The following DHX32 variants were observed in gnomAD, a reference collection of about 807,000 sequenced individuals.
DHX32 encodes the protein putative pre-mRNA-splicing factor ATP-dependent RNA helicase DHX32.
A neutral mutation model predicts 70.0 loss-of-function variants in DHX32; 51 were observed. That is an observed-to-expected ratio of 0.73 (90% confidence interval 0.58 to 0.92). The LOEUF (loss-of-function observed/expected upper bound fraction) is 0.92. DHX32 is among the 40% of genes least tolerant of loss of function. The probability of loss-of-function intolerance (pLI) is 0.00; values close to 1 mark genes in which losing one functional copy is unlikely to be tolerated. For missense variants in DHX32, 762 were observed against 891.8 expected, an observed-to-expected ratio of 0.85 and a Z score of 1.85; for synonymous variants, 310 against 315.3, an observed-to-expected ratio of 0.98 and a Z score of 0.18.
Position 125,838,206 on chromosome 10 carries a change from A to G in DHX32, c.2063T>C (p.Leu688Pro). The stretch of plus-strand genomic sequence containing the variant: ...ACCCTTTCTTCTCCATTAAACTTAC[A>G]GTTCAGGAGAGATTTCTGAGGTAAT... ...IRITSEISPELFMQLVPQYYF... is the reference protein window; with the variant it reads ...IRITSEISPEPFMQLVPQYYF... The change falls in exon 10 of 11, where the codon CTA becomes CCA. Residue 688 changes from leucine (L) to proline (P), a missense_variant and splice_region_variant. By Grantham distance (98) the Leu-to-Pro change is moderately conservative (BLOSUM62 -3). Around this residue, in one of 3 missense-constraint regions of DHX32, gnomAD observed 366 missense variants for 402.6 expected, o/e 0.91. Coordinates refer to ENST00000284690, the MANE Select transcript of DHX32 (RefSeq NM_018180.3). The G allele has an allele frequency of 6.3e-7, 1 of 1,576,238 alleles. No homozygotes were observed. Among genetic ancestry groups the G allele is most frequent in the Non-Finnish European group, 8.6e-7 (1 of 1,167,462 alleles).
At chr10:125,862,150 C>T (rs975305942) in intron 2 of DHX32, among the ~76,000 whole-genome samples, 1 of 152,100 alleles carries the variant, frequency 6.6e-6, no homozygotes, top group Non-Finnish European at 1.5e-5. Context: ...AGATTTAAAC[C>T]CAGATAGTTG....
rs745585566 is a variant in DHX32, at chr10:125,854,004, T to G, written c.1049A>C (p.Asn350Thr). ...TSSGEFLIWS[N>T]SVRFVIDVGV... ...CACATCGATAACAAATCTGACTGAG[T>G]TGCTCCAGATCAAAAACTCTCCAGA... The change falls in exon 4 of 11, where the codon AAC becomes ACC. Residue 350 changes from asparagine (N) to threonine (T), a missense_variant. Asn to Thr is a moderately conservative substitution (Grantham distance 65). Coordinates refer to ENST00000284690, the MANE Select transcript of DHX32 (RefSeq NM_018180.3). 8.1e-6 allele frequency: 13 copies of G among 1,614,044 alleles called. No homozygotes were observed. Among genetic ancestry groups the G allele is most frequent in the African/African-American group, 1.3e-5 (1 of 75,032 alleles).
chr10:125,859,041 G>GTT lies in DHX32; in HGVS notation c.849+560_849+561dup, dbSNP rs1168999968. Among the ~76,000 whole-genome samples the GTT allele has an allele frequency of 2.1e-3, 284 of 134,058 alleles. 1 individual carries two copies. Among genetic ancestry groups the GTT allele is most frequent in the African/African-American group, 7.5e-3 (266 of 35,540 alleles). The allele number at this position is 134,058 out of a possible 152,430, so 87.9% of individuals were successfully genotyped here. ...TAAAGGTTTTTTTTTTTGTTTGTTT[G>GTT]TTTGTTTTTTTTTTTTTTTTTTAAT... On this transcript the variant is annotated intron_variant, in intron 3 of 10. Coordinates refer to ENST00000284690, the MANE Select transcript of DHX32 (RefSeq NM_018180.3).
Position 125,848,795 on chromosome 10 carries a change from ACTATACAC to A in DHX32, c.1351+3490_1351+3497del, listed in dbSNP as rs900498907. On this transcript the variant is annotated intron_variant, in intron 6 of 10. Coordinates refer to ENST00000284690, the MANE Select transcript of DHX32 (RefSeq NM_018180.3). ...AGACGATGACTGTGCTATAGCATTTACTATACACCAGTCACTTTTCTAAGGGGCATGCA... is the reference window on the plus strand; with the variant it reads ...AGACGATGACTGTGCTATAGCATTTACAGTCACTTTTCTAAGGGGCATGCA... Among the ~76,000 whole-genome samples, 35 of 152,206 alleles carry A rather than the reference ACTATACAC, an allele frequency of 2.3e-4. 1 individual carries two copies. Among genetic ancestry groups the A allele is most frequent in the Admixed American group, 6.5e-4 (10 of 15,280 alleles).
In DHX32 at chr10:125,840,892, T is replaced by C; in HGVS notation, c.1648A>G (p.Ile550Val). The C allele has an allele frequency of 6.2e-7, 1 of 1,609,604 alleles. No homozygotes were observed. The highest frequency in any genetic ancestry group is 8.5e-7 in the Non-Finnish European group (1 of 1,176,314). ...GTTGTGTCTTGGTAAGCCTTGTAAA[T>C]GCTGATGAGGGTAAAGTGATCTCCT... Reference protein sequence around the residue: ...PEGDHFTLISIYKAYQDTTLN... With the variant: ...PEGDHFTLISVYKAYQDTTLN... Residue 550 changes from isoleucine to valine, a missense_variant, in exon 8 of 11, where the codon ATT (isoleucine) becomes GTT (valine). Around this residue, in one of 3 missense-constraint regions of DHX32, gnomAD observed 366 missense variants for 402.6 expected, o/e 0.91. Coordinates refer to ENST00000284690, the MANE Select transcript of DHX32 (RefSeq NM_018180.3).
chr10:125,895,289 G>C (rs12411899), intron 1 of DHX32, among the ~76,000 whole-genome samples: 1 of 151,754 alleles, frequency 6.6e-6, no homozygotes, highest in Admixed American at 6.6e-5. Context: ...GGCAAGATTA[G>C]TAATCACTTC....
At chr10:125,845,468 T>C (rs1290568861) in intron 6 of DHX32, among the ~76,000 whole-genome samples, 1 of 152,220 alleles carries the variant, frequency 6.6e-6, no homozygotes. Flanking sequence ...CCTGGGAATA[T>C]GCATAGGAGA....
rs1398825361 is a variant in DHX32 at position 125,894,916 on chromosome 10, TTC to T, written c.-248+1300_-248+1301del. Among the ~76,000 whole-genome samples the T allele has an allele frequency of 5.9e-5, 9 of 152,356 alleles. No individual in the cohort carries two copies. The East Asian group carries it at 1.3e-3, about 23-fold the overall frequency. On this transcript the variant is annotated intron_variant, in intron 1 of 2. Transcript: ENST00000415732. ...CAGGAGTACTGCTGATCTTTATACTTTCTGTCTAAAAATGAAGCCCCTGTCTC... is the reference window on the plus strand; with the variant it reads ...CAGGAGTACTGCTGATCTTTATACTTTGTCTAAAAATGAAGCCCCTGTCTC...
At chr10:125,872,093 C>G (rs930444152) in intron 1 of DHX32, among the ~76,000 whole-genome samples, 1 of 152,122 alleles carries the variant, frequency 6.6e-6, no homozygotes, top group Non-Finnish European at 1.5e-5. Context: ...AATTCCCAAC[C>G]TCAGGTGATC....
In DHX32 at chr10:125,839,083, A is replaced by AG. The variant is rs757903657; in HGVS notation, c.1798dup (p.Leu600ProfsTer34). The AG allele has an allele frequency of 1.1e-5, 18 of 1,614,226 alleles. No homozygotes were observed. The highest frequency in any genetic ancestry group is 1.4e-5 in the Non-Finnish European group (17 of 1,180,038). On this transcript the variant is annotated frameshift_variant, in exon 9 of 11. Transcript: ENST00000284690. LOFTEE classifies it high-confidence loss of function. ...GCCAAAAGCAGGTTCTGCATAGGGAAGCTCGATTCGCTTGATAATTTCTAA... is the reference window on the plus strand; with the variant it reads ...GCCAAAAGCAGGTTCTGCATAGGGAAGGCTCGATTCGCTTGATAATTTCTAA...
At chr10:125,840,019 A>C (rs1854826768) in intron 8 of DHX32, among the ~76,000 whole-genome samples, 1 of 152,164 alleles carries the variant, frequency 6.6e-6, no homozygotes, top group Admixed American at 6.5e-5. Context: ...TTCTTTATAC[A>C]ATTCTGTCTT....
chr10:125,874,414 T>G (rs1376107338), intron 1 of DHX32, among the ~76,000 whole-genome samples: 1 of 152,170 alleles, frequency 6.6e-6, no homozygotes, highest in Non-Finnish European at 1.5e-5. Flanking sequence ...GCCTAATTCA[T>G]TGAAATAATT....
At chr10:125,895,728 C>G (rs1211440893) in intron 1 of DHX32, among the ~76,000 whole-genome samples, 3 of 152,262 alleles carry the variant, frequency 2.0e-5, no homozygotes, top group Non-Finnish European at 2.9e-5. Context: ...AGGACTGAAA[C>G]AAATCAACAC....
intron 10 of DHX32, among the ~76,000 whole-genome samples, chr10:125,837,144 C>T (rs1377398232): frequency 6.6e-6 from 1 of 152,204 alleles, no homozygotes; most frequent in Non-Finnish European, 1.5e-5. Context: ...TCCCCTAAGG[C>T]CCATCACCAT....
At chr10:125,860,484 G>T (rs1420450605) in intron 2 of DHX32, among the ~76,000 whole-genome samples, 3 of 152,182 alleles carry the variant, frequency 2.0e-5, no homozygotes, top group African/African-American at 7.2e-5. Context: ...GATTCACTGT[G>T]AGAGATGATA....
upstream of DHX32, among the ~76,000 whole-genome samples, chr10:125,882,101 C>A (rs796709406): frequency 2.0e-5 from 3 of 152,238 alleles, no homozygotes; most frequent in African/African-American, 7.2e-5. Context: ...CAAGAAAGAG[C>A]AAGATTTATA....
chr10:125,852,293 C>T lies in DHX32; in HGVS notation c.1351G>A (p.Ala451Thr). Residue 451 changes from alanine (A) to threonine (T), a missense_variant and splice_region_variant, in exon 6 of 11, where the codon GCA becomes ACA. By Grantham distance (58) the Ala-to-Thr change is moderately conservative. Transcript: ENST00000284690. Reference sequence around the variant, plus strand: ...GGCTGACATGGGAGCATAAGGCTACCTGGTCTGTTCATGAAGTCACAGTGG... The same window carrying T: ...GGCTGACATGGGAGCATAAGGCTACTTGGTCTGTTCATGAAGTCACAGTGG... ...LGHCDFMNRP[A>T]PESLMQALED... 1.2e-6 allele frequency: 2 copies of T among 1,613,798 alleles called. No individual in the cohort carries two copies. The highest frequency in any genetic ancestry group is 1.7e-6 in the Non-Finnish European group (2 of 1,179,860).
chr10:125,863,833 G>C (rs1162133204), intron 2 of DHX32, among the ~76,000 whole-genome samples: 1 of 152,042 alleles, frequency 6.6e-6, no homozygotes, highest in African/African-American at 2.4e-5. Flanking sequence ...TACCTCTTCA[G>C]GAAAATCAAT....
chr10:125,876,399 A>G (rs1293221320), intron 1 of DHX32, among the ~76,000 whole-genome samples: 2 of 152,264 alleles, frequency 1.3e-5, no homozygotes, highest in Non-Finnish European at 2.9e-5. Context: ...TTGGGTGGTT[A>G]CAAATGTATA....
Sources: allele counts gnomAD v4.1 joint callset (sites outside exome capture counted in the v4.1 genomes callset), GRCh38; gene constraint gnomAD v4.1.1; regional missense constraint gnomAD v4.1.1; transcripts MANE v1.5; gene names NCBI Gene and HGNC (gene_info 2026-07-23, HGNC 2026-07-21).